SVEP1: variants seen among roughly 807,000 people sequenced by gnomAD.
SVEP1 encodes the protein sushi, von Willebrand factor type A, EGF and pentraxin domain containing 1.
SVEP1 carries 164 observed loss-of-function variants against 367.3 expected under a neutral mutation model. That is an observed-to-expected ratio of 0.45 (90% CI 0.39 to 0.51). The LOEUF (loss-of-function observed/expected upper bound fraction) is 0.51. SVEP1 is among the 20% of genes least tolerant of loss of function. The pLI, the probability that SVEP1 is intolerant of heterozygous loss-of-function variation, is 0.00. For synonymous variants in SVEP1, 1,666 were observed against 1,611.6 expected, an observed-to-expected ratio of 1.03 and a Z score of -0.81; for missense variants, 4,117 against 4,425.3, an observed-to-expected ratio of 0.93 and a Z score of 1.98.
At chr9:110,410,866 T>C (rs1828033916) in intron 37 of SVEP1, among the ~76,000 whole-genome samples, 197 bp downstream of exon 37, 1 of 152,208 alleles carries the variant, frequency 6.6e-6, no homozygotes, top group Admixed American at 6.5e-5. Flanking sequence ...GGCAGATGAA[T>C]TAATTCATCA....
rs77264440 is a variant in SVEP1, at chr9:110,485,291, G to A, written c.1931-1598C>T. On this transcript the variant is annotated intron_variant, in intron 9 of 47. Coordinates refer to ENST00000374469, the MANE Select transcript of SVEP1 (RefSeq NM_153366.4). ...AAGATCAGATCCTTTGCAGGGACAC[G>A]GATGGAGCTGGAAGCCATTATCCTC... 5.3e-3 allele frequency among the ~76,000 whole-genome samples: 811 copies of A among 152,326 alleles called. 9 individuals are homozygous for A. In the East Asian group the frequency reaches 0.062, roughly 12 times the overall value.
At chr9:110,547,149 A>G (rs1428085711) in intron 2 of SVEP1, among the ~76,000 whole-genome samples, 1 of 152,078 alleles carries the variant, frequency 6.6e-6, no homozygotes, top group African/African-American at 2.4e-5. Flanking sequence ...TAGAACATCC[A>G]TCTCCATGCA....
chr9:110,558,528 A>C (rs1830383389), intron 1 of SVEP1, among the ~76,000 whole-genome samples: 1 of 150,900 alleles, frequency 6.6e-6, no homozygotes, highest in African/African-American at 2.4e-5. Flanking sequence ...AAAAAAAAAA[A>C]AAAAGCATAA....
intron 3 of SVEP1, among the ~76,000 whole-genome samples, chr9:110,530,726 G>A (rs1356996210): frequency 6.6e-6 from 1 of 151,770 alleles, no homozygotes; most frequent in Non-Finnish European, 1.5e-5. Context: ...TTGTAGAGAC[G>A]GGGTCTCACC....
chr9:110,392,151 A>ATATATATATC (rs1308038317), intron 40 of SVEP1, among the ~76,000 whole-genome samples: 18 of 146,006 alleles, frequency 1.2e-4, no homozygotes, highest in African/African-American at 4.8e-4. Flanking sequence ...ATATATATAT[A>ATATATATATC]TATCTCTTCT....
intron 36 of SVEP1, among the ~76,000 whole-genome samples, chr9:110,413,845 C>T (rs1206684063): frequency 1.3e-5 from 2 of 151,976 alleles, no homozygotes; most frequent in Non-Finnish European, 2.9e-5. Flanking sequence ...CCTGATTAGC[C>T]TGTCATTTTG....
rs142681536 is a variant in SVEP1 at position 110,401,473 on chromosome 9, C to T, written c.9667-464G>A. On this transcript the variant is annotated intron_variant, in intron 39 of 47. Coordinates refer to ENST00000374469, the MANE Select transcript of SVEP1 (RefSeq NM_153366.4). ...ATCAGCTTCCTTTTCTCCATTCCAA[C>T]GAGAACACCTAAAAACATTTTATCA... Among the ~76,000 whole-genome samples the T allele has an allele frequency of 5.5e-3, 824 of 150,750 alleles. 5 individuals carry two copies. Among genetic ancestry groups the T allele is most frequent in the African/African-American group, 0.019 (790 of 41,224 alleles).
At chr9:110,471,300 G>T (rs1829013486) in intron 16 of SVEP1, 64 bp downstream of exon 16, 2 of 1,321,682 alleles carry the variant, frequency 1.5e-6, no homozygotes, top group Admixed American at 2.0e-5. Context: ...TTGTAAAATG[G>T]CTACACCCAT....
At chr9:110,561,932 G>C (rs1830436764) in intron 1 of SVEP1, among the ~76,000 whole-genome samples, 1 of 152,094 alleles carries the variant, frequency 6.6e-6, no homozygotes, top group Non-Finnish European at 1.5e-5. Context: ...ATTTATTATA[G>C]TCTAGCCTAA....
chr9:110,472,421 A>G, intron 14 of SVEP1, 98 bp from the exon 15 acceptor site: 1 of 1,183,102 alleles, frequency 8.5e-7, no homozygotes, highest in Non-Finnish European at 1.2e-6. Context: ...ACACTTGACC[A>G]TTTCCTCAAA....
chr9:110,446,405 T>A (rs1828600742), intron 25 of SVEP1, among the ~76,000 whole-genome samples: 1 of 151,926 alleles, frequency 6.6e-6, no homozygotes, highest in African/African-American at 2.4e-5. Flanking sequence ...AAGGAGGAGG[T>A]GCTGCAAGGG....
chr9:110,481,312 G>C lies in SVEP1; in HGVS notation c.2295C>G (p.Asp765Glu). 1 of 1,611,164 alleles carries C rather than the reference G, an allele frequency of 6.2e-7. No individual in the cohort carries two copies. Among genetic ancestry groups the C allele is most frequent in the Non-Finnish European group, 8.5e-7 (1 of 1,178,610 alleles). Residue 765 changes from aspartate (D) to glutamate (E), a missense_variant, in exon 12 of 48, where the codon GAC becomes GAG. Asp to Glu is a conservative substitution (Grantham distance 45). This residue lies in a region of SVEP1 where 2,174 missense variants were observed against 2,494.3 expected (regional missense o/e 0.87). Transcript: ENST00000374469. The stretch of plus-strand genomic sequence containing the variant: ...CATCTTCATAAGCACAATAATACTT[G>C]TCAGTAGACCCTTCTGTGAAATCAT... Reference protein sequence around the residue: ...EGYDFTEGSTDKYYCAYEDGV... With the variant: ...EGYDFTEGSTEKYYCAYEDGV...
At chr9:110,516,083 G>GCTAAATTATTATAATATA (rs1829798240) in intron 3 of SVEP1, among the ~76,000 whole-genome samples, 1 of 133,160 alleles carries the variant, frequency 7.5e-6, no homozygotes. Flanking sequence ...GGATGCTAAA[G>GCTAAATTATTATAATATA]CTAAATCATT....
rs1588025069 is a variant in SVEP1 at position 110,387,210 on chromosome 9, T to C, written c.10060+75A>G. ...CATATCCCTTATGAGTGGAGCTTCC[T>C]CTATGTTTTGGATATGCGGGAAGCT... On this transcript the variant is annotated intron_variant, in intron 42 of 47. Transcript: ENST00000374469. 2 of 1,449,764 alleles carry C rather than the reference T, an allele frequency of 1.4e-6. 1 individual carries two copies. Among genetic ancestry groups the C allele is most frequent in the South Asian group, 3.0e-5 (2 of 65,634 alleles). 89.8% of individuals were successfully genotyped at this position (1,449,764 alleles called of 1,614,324 possible).
chr9:110,510,677 C>T (rs1038647098), intron 5 of SVEP1, among the ~76,000 whole-genome samples: 1 of 152,168 alleles, frequency 6.6e-6, no homozygotes, highest in Non-Finnish European at 1.5e-5. Context: ...AGGGGCCAGA[C>T]CTTATCCTGA....
chr9:110,386,201 T>C (rs1827519578), intron 42 of SVEP1, 127 bp from the exon 43 acceptor site: 2 of 993,884 alleles, frequency 2.0e-6, no homozygotes, highest in Admixed American at 3.5e-5. Flanking sequence ...TTTAAAAATA[T>C]GGAACTCCAA....
chr9:110,466,560 C>T (rs978027207), intron 17 of SVEP1, among the ~76,000 whole-genome samples: 1 of 151,626 alleles, frequency 6.6e-6, no homozygotes, highest in African/African-American at 2.4e-5. Context: ...AGATCGAGAC[C>T]ATCCCGGCTA....
chr9:110,498,269 C>T (rs76731630), intron 7 of SVEP1, among the ~76,000 whole-genome samples: 1 of 152,166 alleles, frequency 6.6e-6, no homozygotes, highest in East Asian at 1.9e-4. Flanking sequence ...TATTTGTGGT[C>T]TAAAGGATTA....
chr9:110,407,795 G>C lies in SVEP1; in HGVS notation c.7805C>G (p.Ser2602Ter). ...AMQTCEESGWSSSIPTCMPID... is the reference protein window; with the variant it reads ...AMQTCEESGW ...TGGCATACATGTTGGGATGGAACTTGACCATCCTGACTCTTCACAGGTCTG... is the reference window on the plus strand; with the variant it reads ...TGGCATACATGTTGGGATGGAACTTCACCATCCTGACTCTTCACAGGTCTG... The change falls in exon 38 of 48, where the codon TCA becomes TGA. Residue 2602 changes from serine to a stop codon, truncating the protein, a stop_gained. Coordinates refer to ENST00000374469, the MANE Select transcript of SVEP1 (RefSeq NM_153366.4). LOFTEE classifies it high-confidence loss of function. 1 of 1,613,954 alleles carries C rather than the reference G, an allele frequency of 6.2e-7. No individual in the cohort carries two copies. The highest frequency in any genetic ancestry group is 8.5e-7 in the Non-Finnish European group (1 of 1,179,892).
Sources: allele counts gnomAD v4.1 joint callset (sites outside exome capture counted in the v4.1 genomes callset), GRCh38; gene constraint gnomAD v4.1.1; regional missense constraint gnomAD v4.1.1; transcripts MANE v1.5; gene names NCBI Gene and HGNC (gene_info 2026-07-23, HGNC 2026-07-21).